SLIT2: variants seen among roughly 807,000 people sequenced by gnomAD.
The protein encoded by SLIT2 is slit homolog 2 protein.
A neutral mutation model predicts 185.7 loss-of-function variants in SLIT2; 41 were observed. The ratio of observed to expected loss-of-function variants is 0.22; its 90% CI spans 0.17 to 0.29. The LOEUF is 0.29. Among genes scored for constraint, SLIT2 ranks in the 10% least tolerant of loss-of-function variants. SLIT2 has a pLI of 1.00. For synonymous variants in SLIT2, 693 were observed against 680.2 expected, an observed-to-expected ratio of 1.02 and a Z score of -0.29; for missense variants, 1,571 against 1,909.0, an observed-to-expected ratio of 0.82 and a Z score of 3.30.
chr4:20,405,398 G>C (rs146619478), intron 4 of SLIT2, among the ~76,000 whole-genome samples: 1,769 of 151,846 alleles, frequency 0.012, 91 homozygotes, highest in Admixed American at 0.067. Context: ...TAGGAAAAAA[G>C]GTGAAAACAC....
At chr4:20,381,511 CT>C (rs1724511133) in intron 4 of SLIT2, among the ~76,000 whole-genome samples, 1 of 152,022 alleles carries the variant, frequency 6.6e-6, no homozygotes, top group African/African-American at 2.4e-5. Context: ...TCTGATTTCC[CT>C]TTTTTCATGT....
chr4:20,556,197 A>G (rs961129524), intron 26 of SLIT2, among the ~76,000 whole-genome samples: 4 of 151,904 alleles, frequency 2.6e-5, no homozygotes, highest in Non-Finnish European at 4.4e-5. Flanking sequence ...GTGTCCTGTG[A>G]TAAGTTTCTG....
At chr4:20,367,397 A>G (rs913443535) in intron 4 of SLIT2, among the ~76,000 whole-genome samples, 11 of 152,188 alleles carry the variant, frequency 7.2e-5, no homozygotes, top group African/African-American at 2.4e-4. Flanking sequence ...TTGTCTTTTT[A>G]AAGCATATAA....
chr4:20,527,994 G>A (rs1343556976), intron 15 of SLIT2, among the ~76,000 whole-genome samples: 3 of 151,794 alleles, frequency 2.0e-5, no homozygotes. Context: ...CTTCTCTGTT[G>A]TCCTTGTAGC....
intron 29 of SLIT2, among the ~76,000 whole-genome samples, chr4:20,571,209 C>G (rs1398785066): frequency 6.6e-6 from 1 of 152,180 alleles, no homozygotes; most frequent in East Asian, 1.9e-4. Context: ...CCATTTGGCT[C>G]TCCACAAGAA....
intron 4 of SLIT2, among the ~76,000 whole-genome samples, chr4:20,360,705 A>C (rs1000255446): frequency 6.6e-6 from 1 of 152,208 alleles, no homozygotes; most frequent in African/African-American, 2.4e-5. Context: ...GGGGTGGCTG[A>C]ATTAGATTTC....
chr4:20,560,016 G>A (rs1724571332), intron 26 of SLIT2, among the ~76,000 whole-genome samples: 1 of 151,802 alleles, frequency 6.6e-6, no homozygotes. Context: ...AATCCACTGA[G>A]TACTATACTA....
intron 6 of SLIT2, 110 bp from the exon 7 acceptor site, chr4:20,486,090 G>A: frequency 1.5e-6 from 1 of 687,188 alleles, no homozygotes; most frequent in East Asian, 2.7e-5. Flanking sequence ...ATCTCTACCA[G>A]GTAGCTGTCC....
In SLIT2 at chr4:20,620,166, A is replaced by G; in HGVS notation, c.*1157A>G. ...GAAACGAAATGGTGTGTAGCAATCA[A>G]CACTAGAAAGTAGACCTTTTGCAAA... is the stretch of plus-strand genomic sequence containing the variant. On this transcript the variant is annotated 3_prime_UTR_variant, in exon 37 of 37. Coordinates refer to ENST00000504154, the MANE Select transcript of SLIT2 (RefSeq NM_004787.4). 1 of 299,894 alleles carries G rather than the reference A, an allele frequency of 3.3e-6. No individual in the cohort carries two copies. Among genetic ancestry groups the G allele is most frequent in the Non-Finnish European group, 6.4e-6 (1 of 155,298 alleles). The allele number at this position is 299,894 out of a possible 1,614,324, so 18.6% of individuals were successfully genotyped here. A position where few individuals can be genotyped will look rare whatever the true frequency, so the allele number is the denominator to read the frequency against.
At chr4:20,579,383 C>T (rs2148931875) in intron 29 of SLIT2, among the ~76,000 whole-genome samples, 1 of 151,228 alleles carries the variant, frequency 6.6e-6, no homozygotes, top group South Asian at 2.1e-4. Flanking sequence ...GCAAAGAGAA[C>T]AAATCTCTTT....
chr4:20,405,135 C>T (rs1466466727), intron 4 of SLIT2, among the ~76,000 whole-genome samples: 1 of 151,794 alleles, frequency 6.6e-6, no homozygotes, highest in Non-Finnish European at 1.5e-5. Flanking sequence ...AATCTATCTA[C>T]TTGGGTTGGC....
chr4:20,416,321 C>G (rs563484558), intron 4 of SLIT2, among the ~76,000 whole-genome samples: 27 of 152,254 alleles, frequency 1.8e-4, no homozygotes, highest in African/African-American at 6.0e-4. Context: ...TTGCTGTGTC[C>G]TCACATGGCC....
rs1324398839 is a variant in SLIT2 at position 20,539,511 on chromosome 4, C to A, written c.1903C>A (p.Leu635Ile). The A allele has an allele frequency of 1.2e-6, 2 of 1,613,238 alleles. No individual in the cohort carries two copies. Among genetic ancestry groups the A allele is most frequent in the African/African-American group, 2.7e-5 (2 of 74,862 alleles). Residue 635 changes from leucine (L) to isoleucine (I), a missense_variant, in exon 19 of 37, where the codon CTT (leucine) becomes ATT (isoleucine). Coordinates refer to ENST00000504154, the MANE Select transcript of SLIT2 (RefSeq NM_004787.4). Reference protein sequence around the residue: ...SFIGLSSVRLLSLYDNQITTV... With the variant: ...SFIGLSSVRLISLYDNQITTV... ...CATAGGACTCAGTTCTGTGCGTTTG[C>A]TTTCTTTGTATGATAATCAAATTAC...
chr4:20,419,750 CA>C (rs1728021283), intron 4 of SLIT2, among the ~76,000 whole-genome samples: 2 of 148,222 alleles, frequency 1.3e-5, no homozygotes, highest in South Asian at 4.3e-4. Flanking sequence ...AGTAGAAGTT[CA>C]AAAATGGTGG....
At chr4:20,363,709 G>T (rs779014953) in intron 4 of SLIT2, among the ~76,000 whole-genome samples, 36 of 152,142 alleles carry the variant, frequency 2.4e-4, no homozygotes, top group Middle Eastern at 3.4e-3. Flanking sequence ...AAAGCTTTGG[G>T]AATCAAGGTT....
intron 33 of SLIT2, among the ~76,000 whole-genome samples, chr4:20,598,889 A>G (rs1287019106): frequency 6.6e-6 from 1 of 152,142 alleles, no homozygotes; most frequent in Admixed American, 6.5e-5. Context: ...GCATGCCGGG[A>G]AAGAAGGAAT....
At chr4:20,335,311 G>T (rs987908669) in intron 4 of SLIT2, among the ~76,000 whole-genome samples, 17 of 152,182 alleles carry the variant, frequency 1.1e-4, no homozygotes, top group African/African-American at 3.9e-4. Flanking sequence ...AGAATCACCG[G>T]TGTGCATAGT....
At chr4:20,471,710 A>G (rs1177582657) in intron 5 of SLIT2, among the ~76,000 whole-genome samples, 1 of 152,158 alleles carries the variant, frequency 6.6e-6, no homozygotes, top group African/African-American at 2.4e-5. Context: ...AATCTTGTGG[A>G]TTGGCTAAAT....
At chr4:20,381,145 C>T (rs541258173) in intron 4 of SLIT2, among the ~76,000 whole-genome samples, 19 of 151,974 alleles carry the variant, frequency 1.3e-4, no homozygotes, top group African/African-American at 4.1e-4. Flanking sequence ...CGTAGCTACT[C>T]GAGAGGCTGA....
Sources: allele counts gnomAD v4.1 joint callset (sites outside exome capture counted in the v4.1 genomes callset), GRCh38; gene constraint gnomAD v4.1.1; transcripts MANE v1.5; gene names NCBI Gene and HGNC (gene_info 2026-07-23, HGNC 2026-07-21).